The following SYNE2 variants were observed in gnomAD, a reference collection of about 807,000 sequenced individuals.
SYNE2 encodes spectrin repeat containing nuclear envelope protein 2, also known as nesprin-2.
A neutral mutation model predicts 856.3 loss-of-function variants in SYNE2; 431 were observed. The ratio of observed to expected loss-of-function variants is 0.50; its 90% CI spans 0.47 to 0.55. The LOEUF (loss-of-function observed/expected upper bound fraction) is 0.55, where lower values mean the gene tolerates loss of function less well. Ranked by LOEUF, SYNE2 falls within the 20% of genes least tolerant of loss-of-function variation. The pLI is 0.00. For missense variants in SYNE2, 8,129 were observed against 8,023.2 expected (o/e 1.01, Z -0.50); for synonymous variants, 2,923 against 2,872.3 (o/e 1.02, Z -0.56).
chr14:64,003,579 C>T (rs1003283727), intron 30 of SYNE2, among the ~76,000 whole-genome samples: 2 of 152,170 alleles, frequency 1.3e-5, no homozygotes, highest in Non-Finnish European at 2.9e-5. Flanking sequence ...GTGGTGAAGT[C>T]AGATGTACAT....
At chr14:64,182,732 A>G (rs1360960753) in intron 96 of SYNE2, among the ~76,000 whole-genome samples, 1 of 152,232 alleles carries the variant, frequency 6.6e-6, no homozygotes, top group African/African-American at 2.4e-5. Flanking sequence ...ACAGCATCCC[A>G]AGGCAGAATT....
chr14:64,098,693 TG>T, intron 62 of SYNE2, 53 bp from the exon 63 acceptor site: 2 of 1,579,538 alleles, frequency 1.3e-6, no homozygotes, highest in Middle Eastern at 3.3e-4. Context: ...ACTGGGATCT[TG>T]GTGATGTTGA....
chr14:64,084,752 CTTA>C (rs1567246385), intron 57 of SYNE2: 7 of 501,268 alleles, frequency 1.4e-5, no homozygotes, highest in Admixed American at 3.2e-5. Context: ...AAACAACAAA[CTTA>C]TTATCACAGT....
chr14:64,133,159 T>A (rs903026361), intron 77 of SYNE2, among the ~76,000 whole-genome samples: 1 of 151,636 alleles, frequency 6.6e-6, no homozygotes, highest in African/African-American at 2.4e-5. Flanking sequence ...TGAGCCTAGA[T>A]TGCACCACTG....
chr14:63,893,926 C>T (rs1351327979), intron 1 of SYNE2, among the ~76,000 whole-genome samples: 1 of 152,164 alleles, frequency 6.6e-6, no homozygotes, highest in East Asian at 1.9e-4. Context: ...AGTCAAGGCT[C>T]CAGCCAGCTT....
In SYNE2 at chr14:63,976,563, A is replaced by AGT; in HGVS notation, c.1129_1130insGT (p.Ile377SerfsTer7). On this transcript the variant is annotated frameshift_variant and splice_region_variant, in exon 12 of 116. Coordinates refer to ENST00000555002, the MANE Select transcript of SYNE2 (RefSeq NM_182914.3). LOFTEE classifies it high-confidence loss of function. ...TTCTTTTTTTTTTTTTTTTTTTCAG[A>AGT]TTAATGCATGGAAAATAAAGCTAAA... 1 of 1,294,070 alleles carries AGT rather than the reference A, an allele frequency of 7.7e-7. No individual in the cohort carries two copies. 80.2% of individuals were successfully genotyped at this position (1,294,070 alleles called of 1,614,324 possible).
At chr14:63,910,423 C>G (rs2095459085) in intron 2 of SYNE2, among the ~76,000 whole-genome samples, 1 of 152,034 alleles carries the variant, frequency 6.6e-6, no homozygotes, top group Non-Finnish European at 1.5e-5. Context: ...TTATTGTATA[C>G]TTTGTGTAGA....
At chr14:63,894,348 C>G (rs2095207493) in intron 1 of SYNE2, among the ~76,000 whole-genome samples, 1 of 152,008 alleles carries the variant, frequency 6.6e-6, no homozygotes, top group Non-Finnish European at 1.5e-5. Context: ...TCTTGAGCAG[C>G]TAGGACTATA....
At chr14:64,024,189 C>T (rs1014554296) in intron 38 of SYNE2, 68 bp from the exon 39 acceptor site, 25 of 1,409,330 alleles carry the variant, frequency 1.8e-5, no homozygotes, top group African/African-American at 4.2e-5. Context: ...GGAAAAGTGT[C>T]GTGAGGGTGG....
chr14:64,088,977 C>T (rs1456094855), intron 58 of SYNE2, among the ~76,000 whole-genome samples: 1 of 152,146 alleles, frequency 6.6e-6, no homozygotes, highest in Non-Finnish European at 1.5e-5. Flanking sequence ...AGTAGGTGCA[C>T]AGAATAATGT....
Position 64,076,764 on chromosome 14 carries a change from G to C in SYNE2, c.11022+664G>C. 1.5e-5 allele frequency among the ~76,000 whole-genome samples: 2 copies of C among 131,370 alleles called. 1 individual carries two copies. Among genetic ancestry groups the C allele is most frequent in the Middle Eastern group, 9.1e-3 (2 of 220 alleles). The allele number at this position is 131,370 out of a possible 152,430, so 86.2% of individuals were successfully genotyped here. Reference sequence around the variant, plus strand: ...GATTTTTTTTTTTTTTTTTTGTCTAGAATACTTACAACTTGATAAATAAAA... The same window carrying C: ...GATTTTTTTTTTTTTTTTTTGTCTACAATACTTACAACTTGATAAATAAAA... On this transcript the variant is annotated intron_variant, in intron 54 of 115. Coordinates refer to ENST00000555002, the MANE Select transcript of SYNE2 (RefSeq NM_182914.3).
Position 63,941,878 on chromosome 14 carries a change from T to G in SYNE2, c.238-7T>G. On this transcript the variant is annotated splice_region_variant and splice_polypyrimidine_tract_variant and intron_variant, in intron 4 of 115. Coordinates refer to ENST00000555002, the MANE Select transcript of SYNE2 (RefSeq NM_182914.3). ...TTCTGAGTAATATATTTGCTTGAAT[T>G]TCACAGCCTCGGGATAAAGGATCTA... is the stretch of plus-strand genomic sequence containing the variant. 1 of 1,613,508 alleles carries G rather than the reference T, an allele frequency of 6.2e-7. No homozygotes were observed. Among genetic ancestry groups the G allele is most frequent in the East Asian group, 2.2e-5 (1 of 44,838 alleles).
intron 1 of SYNE2, among the ~76,000 whole-genome samples, chr14:63,815,143 T>C (rs534275105): frequency 1.2e-4 from 14 of 118,890 alleles, no homozygotes; most frequent in African/African-American, 4.4e-4. Flanking sequence ...TATCCATATA[T>C]ATACACATAT....
At chr14:63,904,284 T>G (rs1237223641) in intron 1 of SYNE2, among the ~76,000 whole-genome samples, 1 of 152,212 alleles carries the variant, frequency 6.6e-6, no homozygotes, top group Non-Finnish European at 1.5e-5. Flanking sequence ...AATAAACTTA[T>G]GAGTGCATGT....
intron 23 of SYNE2, among the ~76,000 whole-genome samples, chr14:63,996,206 T>G (rs2153494568): frequency 6.6e-6 from 1 of 152,318 alleles, no homozygotes; most frequent in African/African-American, 2.4e-5. Context: ...CTCCCTTCCT[T>G]TCCACTCAGC....
chr14:63,963,898 G>A lies in SYNE2; in HGVS notation c.889-1G>A, dbSNP rs764854099. On this transcript the variant is annotated splice_acceptor_variant, in intron 9 of 115. Coordinates refer to ENST00000555002, the MANE Select transcript of SYNE2 (RefSeq NM_182914.3). LOFTEE classifies it high-confidence loss of function. ...TTTAATTTTGTGTGTGTAAAATACA[G>A]GGAAAGGTGAAAGATGCTATGGGCT... The A allele has an allele frequency of 1.2e-6, 2 of 1,608,864 alleles. No homozygotes were observed.
chr14:63,817,902 G>A (rs1020424071), intron 1 of SYNE2, among the ~76,000 whole-genome samples: 4 of 151,658 alleles, frequency 2.6e-5, no homozygotes, highest in African/African-American at 9.7e-5. Context: ...GTGCATACCT[G>A]TGGTCCCAGC....
At chr14:63,869,380 C>T (rs1007973652) in intron 1 of SYNE2, among the ~76,000 whole-genome samples, 9 of 152,198 alleles carry the variant, frequency 5.9e-5, no homozygotes, top group African/African-American at 1.7e-4. Context: ...AATCCCAGCA[C>T]TTTGGGAGGC....
intron 1 of SYNE2, among the ~76,000 whole-genome samples, chr14:63,864,629 T>C (rs543789352): frequency 5.2e-5 from 8 of 152,386 alleles, no homozygotes; most frequent in African/African-American, 1.9e-4. Flanking sequence ...CTTATACACT[T>C]ACTGTTACTA....
Sources: gnomAD v4.1 joint callset for allele counts (sites outside exome capture counted in the v4.1 genomes callset) on GRCh38, gnomAD v4.1.1 for gene constraint, MANE v1.5 for transcripts, NCBI Gene and HGNC (gene_info 2026-07-23, HGNC 2026-07-21) for gene names.